The following CYP3A43 variants were observed in gnomAD, a reference collection of about 807,000 sequenced individuals.
The protein encoded by CYP3A43 is cytochrome P450 3A43.
CYP3A43 carries 45 observed loss-of-function variants against 58.0 expected under a neutral mutation model. The observed-to-expected ratio is 0.78, with a 90% CI of 0.61 to 0.99. The LOEUF (loss-of-function observed/expected upper bound fraction) is 0.99. Ranked by LOEUF, CYP3A43 falls within the 50% of genes least tolerant of loss-of-function variation. The pLI is 0.00. For missense variants in CYP3A43, 593 were observed against 591.9 expected (o/e 1.00, Z -0.02); for synonymous variants, 191 against 201.4 (o/e 0.95, Z 0.44).
Position 99,849,469 on chromosome 7 carries a change from G to A in CYP3A43, c.522-77G>A, listed in dbSNP as rs770987332. 442 of 1,493,736 alleles carry A rather than the reference G, an allele frequency of 3.0e-4. 1 individual carries two copies. The highest frequency in any genetic ancestry group is 3.8e-4 in the Non-Finnish European group (422 of 1,121,704). The allele number at this position is 1,493,736 out of a possible 1,614,324, so 92.5% of individuals were successfully genotyped here. A position where few individuals can be genotyped will look rare whatever the true frequency, so the allele number is the denominator to read the frequency against. ...TTTTCACCTGTCTTGCTCTGGCATA[G>A]CACTTCTTGCTGTGTGTATAGCAGA... On this transcript the variant is annotated intron_variant, in intron 6 of 12. Coordinates refer to ENST00000354829, the MANE Select transcript of CYP3A43 (RefSeq NM_057095.3).
At chr7:99,841,365 G>A (rs688926) in intron 3 of CYP3A43, among the ~76,000 whole-genome samples, 29,346 of 152,062 alleles carry the variant, frequency 0.19, 5,724 homozygotes, top group African/African-American at 0.51. Context: ...CCAGTTAAGA[G>A]AAATCAATAT....
chr7:99,865,845 T>C (rs1584246836), intron 12 of CYP3A43, 61 bp from the exon 13 acceptor site: 1 of 1,225,658 alleles, frequency 8.2e-7, no homozygotes, highest in Non-Finnish European at 1.1e-6. Flanking sequence ...TTTTTTATTT[T>C]GCTTCTATCT....
intron 9 of CYP3A43, among the ~76,000 whole-genome samples, chr7:99,857,355 G>C (rs977804367): frequency 6.6e-6 from 1 of 152,164 alleles, no homozygotes; most frequent in Non-Finnish European, 1.5e-5. Context: ...GTAACTGTGA[G>C]AAAACCTTTA....
chr7:99,860,801 T>C (rs1363777102), intron 10 of CYP3A43, among the ~76,000 whole-genome samples: 5 of 152,212 alleles, frequency 3.3e-5, no homozygotes, highest in African/African-American at 1.2e-4. Flanking sequence ...AAAGTTCTTT[T>C]GTCATATTTG....
intron 11 of CYP3A43, 133 bp downstream of exon 11, chr7:99,861,972 A>G (rs1394443723): frequency 2.7e-6 from 2 of 734,578 alleles, no homozygotes; most frequent in Non-Finnish European, 4.4e-6. Context: ...CAAAATGATA[A>G]CTGTTAAACT....
chr7:99,849,720 C>A, intron 7 of CYP3A43, 26 bp downstream of exon 7: 1 of 1,431,342 alleles, frequency 7.0e-7, no homozygotes, highest in Non-Finnish European at 9.3e-7. Flanking sequence ...TGTTATTTCT[C>A]TCTCTCTCTC....
intron 1 of CYP3A43, among the ~76,000 whole-genome samples, chr7:99,830,386 C>G (rs1239189567): frequency 6.6e-6 from 1 of 152,128 alleles, no homozygotes; most frequent in Non-Finnish European, 1.5e-5. Flanking sequence ...GGTGTGGTGG[C>G]AGGTGCCTGC....
At chr7:99,832,914 T>C (rs1346256208) in intron 1 of CYP3A43, among the ~76,000 whole-genome samples, 1 of 152,184 alleles carries the variant, frequency 6.6e-6, no homozygotes, top group African/African-American at 2.4e-5. Context: ...CAGGTAGTTC[T>C]TTATAGCAGT....
intron 7 of CYP3A43, chr7:99,849,930 T>A: frequency 1.8e-6 from 1 of 548,442 alleles, no homozygotes; most frequent in Non-Finnish European, 3.4e-6. Context: ...CATTTAACCA[T>A]CATCCCCTTC....
At chr7:99,834,941 A>G (rs990216772) in intron 1 of CYP3A43, among the ~76,000 whole-genome samples, 3 of 152,214 alleles carry the variant, frequency 2.0e-5, no homozygotes, top group Non-Finnish European at 2.9e-5. Flanking sequence ...TAGCATGAGG[A>G]AATTCCTAAG....
chr7:99,846,842 G>T (rs1817556393), intron 4 of CYP3A43, among the ~76,000 whole-genome samples: 1 of 152,126 alleles, frequency 6.6e-6, no homozygotes, highest in African/African-American at 2.4e-5. Context: ...TTTGAAAGAT[G>T]GAAGAAGGTT....
At chr7:99,845,641 C>T (rs1817516336) in intron 4 of CYP3A43, among the ~76,000 whole-genome samples, 3 of 151,950 alleles carry the variant, frequency 2.0e-5, no homozygotes, top group African/African-American at 7.2e-5. Context: ...GTTTCTCATT[C>T]ACTGTTTTGT....
At chr7:99,856,802 C>T (rs754916655) in intron 8 of CYP3A43, 31 bp from the exon 9 acceptor site, 1 of 1,613,054 alleles carries the variant, frequency 6.2e-7, no homozygotes, top group South Asian at 1.1e-5. Context: ...AAGTGACTTT[C>T]TGTCATTAAA....
At chr7:99,856,967 G>A in intron 9 of CYP3A43, 68 bp downstream of exon 9, 14 of 1,516,782 alleles carry the variant, frequency 9.2e-6, no homozygotes, top group South Asian at 1.2e-5. Flanking sequence ...TTCTGAAAAT[G>A]TGCAGAAAGT....
At chr7:99,858,513 G>A (rs1309483899) in intron 9 of CYP3A43, among the ~76,000 whole-genome samples, 1 of 151,978 alleles carries the variant, frequency 6.6e-6, no homozygotes, top group African/African-American at 2.4e-5. Context: ...CGGTGAGCAT[G>A]AAGTGGAGCA....
At chr7:99,841,983 C>T (rs985883595) in intron 3 of CYP3A43, among the ~76,000 whole-genome samples, 1 of 152,176 alleles carries the variant, frequency 6.6e-6, no homozygotes, top group African/African-American at 2.4e-5. Context: ...ATAATAAATA[C>T]TTCATTAGAA....
chr7:99,842,770 C>T lies in CYP3A43; in HGVS notation c.219-1373C>T, dbSNP rs1365646236. ...GCTGTGTCATAACCTCATAAGAAAGCCAGATTCCCAAAATGATAGAAGGCC... is the reference window on the plus strand; with the variant it reads ...GCTGTGTCATAACCTCATAAGAAAGTCAGATTCCCAAAATGATAGAAGGCC... On this transcript the variant is annotated intron_variant, in intron 3 of 12. Transcript: ENST00000354829. Among the ~76,000 whole-genome samples the T allele has an allele frequency of 2.6e-5, 4 of 152,132 alleles. No individual in the cohort carries two copies. In the South Asian group the frequency reaches 6.2e-4, roughly 24 times the overall value.
chr7:99,863,568 C>T lies in CYP3A43; in HGVS notation c.1285C>T (p.Leu429Phe). The T allele has an allele frequency of 6.2e-7, 1 of 1,612,900 alleles. No homozygotes were observed. The highest frequency in any genetic ancestry group is 8.5e-7 in the Non-Finnish European group (1 of 1,179,650). Residue 429 changes from leucine (L) to phenylalanine (F), a missense_variant, in exon 12 of 13, where the codon CTT (leucine) becomes TTT (phenylalanine). Coordinates refer to ENST00000354829, the MANE Select transcript of CYP3A43 (RefSeq NM_057095.3). The stretch of plus-strand genomic sequence containing the variant: ...TAAGAAGAACAAGGACAGCATAGAT[C>T]TTTACAGATACATACCTTTTGGAGC... The part of the protein sequence containing the change: ...FSKKNKDSID[L>F]YRYIPFGAGP...
intron 3 of CYP3A43, among the ~76,000 whole-genome samples, chr7:99,841,431 C>T (rs1817326353): frequency 6.6e-6 from 1 of 152,086 alleles, no homozygotes; most frequent in Admixed American, 6.6e-5. Flanking sequence ...GAGTCTTGCT[C>T]TTGTCACCCA....
Sources: gnomAD v4.1 joint callset for allele counts (sites outside exome capture counted in the v4.1 genomes callset) on GRCh38, gnomAD v4.1.1 for gene constraint, MANE v1.5 for transcripts, NCBI Gene and HGNC (gene_info 2026-07-23, HGNC 2026-07-21) for gene names.